Variants in PIEZO2 observed in about 807,000 individuals in gnomAD.
The protein encoded by PIEZO2 is piezo-type mechanosensitive ion channel component 2.
In PIEZO2, 172 loss-of-function variants were observed where a neutral mutation model predicts 337.3. The ratio of observed to expected loss-of-function variants is 0.51; its 90% CI spans 0.45 to 0.58. The LOEUF (loss-of-function observed/expected upper bound fraction) is 0.58, where lower values mean the gene tolerates loss of function less well. Ranked by LOEUF, PIEZO2 falls within the 20% of genes least tolerant of loss-of-function variation. The pLI, the probability that PIEZO2 is intolerant of heterozygous loss-of-function variation, is 0.00. For missense variants in PIEZO2, 3,028 were observed against 3,391.3 expected (o/e 0.89, Z 2.66); for synonymous variants, 1,251 against 1,228.5 (o/e 1.02, Z -0.38).
At chr18:10,723,343 G>A (rs182719661) in intron 36 of PIEZO2, among the ~76,000 whole-genome samples, 3 of 152,152 alleles carry the variant, frequency 2.0e-5, no homozygotes, top group African/African-American at 7.2e-5. Flanking sequence ...ACCTTGATCA[G>A]ATCAATTTGG....
rs1193794506 is a variant in PIEZO2 at position 10,819,954 on chromosome 18, A to G, written c.918-12680T>C. ...TTCTCAGATACAGAATTATAGGTTC[A>G]TAGTTTTTTTCCCTTTGAGAAGCAA... is the stretch of plus-strand genomic sequence containing the variant. On this transcript the variant is annotated intron_variant, in intron 7 of 55. Transcript: ENST00000674853. This position sits in a 1 kb window ranked among gnomAD's most constrained non-coding sequence, Gnocchi z 4.3. Among the ~76,000 whole-genome samples, 1 of 152,186 alleles carries G rather than the reference A, an allele frequency of 6.6e-6. No homozygotes were observed.
At chr18:11,122,383 A>G (rs1392874395) in intron 1 of PIEZO2, among the ~76,000 whole-genome samples, 1 of 152,238 alleles carries the variant, frequency 6.6e-6, no homozygotes, top group Non-Finnish European at 1.5e-5. Context: ...TAAGCTCCTC[A>G]GCAGTTGCAA....
At chr18:10,921,888 C>T (rs1369411618) in intron 3 of PIEZO2, among the ~76,000 whole-genome samples, 1 of 152,078 alleles carries the variant, frequency 6.6e-6, no homozygotes, top group Non-Finnish European at 1.5e-5. Flanking sequence ...AAATAAACCC[C>T]AGTCTCCCAT....
chr18:11,014,754 C>CG (rs2036042525), intron 2 of PIEZO2, among the ~76,000 whole-genome samples: 3 of 130,812 alleles, frequency 2.3e-5, no homozygotes, highest in African/African-American at 3.0e-5. Flanking sequence ...TGTGGGACAG[C>CG]AATCCGGGGC....
In PIEZO2 at chr18:10,750,263, G is replaced by T; in HGVS notation, c.4168-76C>A. 1 of 1,048,200 alleles carries T rather than the reference G, an allele frequency of 9.5e-7. No individual in the cohort carries two copies. The highest frequency in any genetic ancestry group is 1.4e-6 in the Non-Finnish European group (1 of 703,482). 64.9% of individuals were successfully genotyped at this position (1,048,200 alleles called of 1,614,324 possible). A position where few individuals can be genotyped will look rare whatever the true frequency, so the allele number is the denominator to read the frequency against. Reference sequence around the variant, plus strand: ...AAGTGGTGTTTTATGATCCCAACATGTGCAAGAATTCACAAGGTCTCAGTG... The same window carrying T: ...AAGTGGTGTTTTATGATCCCAACATTTGCAAGAATTCACAAGGTCTCAGTG... On this transcript the variant is annotated intron_variant, in intron 28 of 55. Coordinates refer to ENST00000674853, the MANE Select transcript of PIEZO2 (RefSeq NM_001378183.1). This position sits in a 1 kb window ranked among gnomAD's most constrained non-coding sequence, Gnocchi z 4.1.
intron 10 of PIEZO2, 25 bp from the exon 11 acceptor site, chr18:10,800,500 C>A: frequency 1.3e-6 from 2 of 1,515,790 alleles, no homozygotes; most frequent in South Asian, 1.2e-5. Context: ...GAGAAAGGGA[C>A]AACTGTTACA....
chr18:10,813,026 C>T lies in PIEZO2; in HGVS notation c.918-5752G>A, dbSNP rs1375483290. ...TGAGACGGAGTCTCACTCTGTCACC[C>T]GGGCTGGAGTGCATTGGGCCTCTGC... is the stretch of plus-strand genomic sequence containing the variant. On this transcript the variant is annotated intron_variant, in intron 7 of 55. Transcript: ENST00000674853. The surrounding 1 kb of genome is among the most constrained non-coding windows in gnomAD (Gnocchi z 4.2). Among the ~76,000 whole-genome samples, 1 of 151,914 alleles carries T rather than the reference C, an allele frequency of 6.6e-6. No homozygotes were observed. The highest frequency in any genetic ancestry group is 1.5e-5 in the Non-Finnish European group (1 of 67,998).
At chr18:11,030,112 A>G (rs546563461) in intron 2 of PIEZO2, among the ~76,000 whole-genome samples, 2 of 152,222 alleles carry the variant, frequency 1.3e-5, no homozygotes, top group Non-Finnish European at 2.9e-5. Context: ...GAATTTTAAA[A>G]GACAAGCTAC....
rs2035627762 is a variant in PIEZO2 at position 11,003,797 on chromosome 18, C to G, written c.161-24137G>C. Among the ~76,000 whole-genome samples the G allele has an allele frequency of 6.6e-6, 1 of 152,198 alleles. No individual in the cohort carries two copies. The highest frequency in any genetic ancestry group is 2.4e-5 in the African/African-American group (1 of 41,460). The stretch of plus-strand genomic sequence containing the variant: ...AAATCCCACACAGACCTGGGGAGAA[C>G]AAGCAAACTCCACATGGGGGTGGAC... On this transcript the variant is annotated intron_variant, in intron 2 of 55. Transcript: ENST00000674853. The surrounding 1 kb of genome is among the most constrained non-coding windows in gnomAD (Gnocchi z 4.6).
intron 43 of PIEZO2, 58 bp downstream of exon 43, chr18:10,701,931 G>A (rs189783815): frequency 4.9e-5 from 69 of 1,399,450 alleles, no homozygotes; most frequent in Non-Finnish European, 7.5e-6. Context: ...GAAGATTACG[G>A]TCCAGGTTAT....
intron 1 of PIEZO2, among the ~76,000 whole-genome samples, chr18:11,122,900 T>G (rs1430625547): frequency 6.6e-6 from 1 of 151,102 alleles, no homozygotes; most frequent in African/African-American, 2.4e-5. Flanking sequence ...AATATATCTT[T>G]ATTTATATAA....
intron 41 of PIEZO2, among the ~76,000 whole-genome samples, chr18:10,705,087 A>G (rs1219992013): frequency 6.6e-6 from 1 of 152,146 alleles, no homozygotes; most frequent in African/African-American, 2.4e-5. Context: ...GAGACAACCT[A>G]ATATCAGACC....
rs2038601037 is a variant in PIEZO2 at position 11,077,919 on chromosome 18, A to C, written c.65-11697T>G. 6.6e-6 allele frequency among the ~76,000 whole-genome samples: 1 copy of C among 151,926 alleles called. No individual in the cohort carries two copies. Among genetic ancestry groups the C allele is most frequent in the African/African-American group, 2.4e-5 (1 of 41,338 alleles). ...TTTCAATCTTATTCAGTCCCCTGACATTCAAATGCCAAATGCTCATCCCTA... is the reference window on the plus strand; with the variant it reads ...TTTCAATCTTATTCAGTCCCCTGACCTTCAAATGCCAAATGCTCATCCCTA... On this transcript the variant is annotated intron_variant, in intron 1 of 55. Transcript: ENST00000674853. The surrounding 1 kb of genome is among the most constrained non-coding windows in gnomAD (Gnocchi z 4.8).
At chr18:11,134,302 A>T (rs2040421634) in intron 1 of PIEZO2, among the ~76,000 whole-genome samples, 1 of 152,128 alleles carries the variant, frequency 6.6e-6, no homozygotes, top group Non-Finnish European at 1.5e-5. Context: ...CTGGCATTCT[A>T]CAGCTGCTGG....
In PIEZO2 at chr18:10,759,346, T is replaced by C. The variant is rs2038022742; in HGVS notation, c.3757+136A>G. On this transcript the variant is annotated intron_variant, in intron 26 of 55. Coordinates refer to ENST00000674853, the MANE Select transcript of PIEZO2 (RefSeq NM_001378183.1). This position sits in a 1 kb window ranked among gnomAD's most constrained non-coding sequence, Gnocchi z 5.5. ...TAGAAGCCATTAATGACTTGTGATA[T>C]TAATGCATAAGACAAGCCTTTACAT... is the stretch of plus-strand genomic sequence containing the variant. 2.8e-6 allele frequency: 2 copies of C among 724,794 alleles called. No homozygotes were observed. Among genetic ancestry groups the C allele is most frequent in the South Asian group, 3.7e-5 (2 of 54,320 alleles). The allele number at this position is 724,794 out of a possible 1,614,324, so 44.9% of individuals were successfully genotyped here.
intron 43 of PIEZO2, among the ~76,000 whole-genome samples, chr18:10,701,509 T>G (rs924206493): frequency 9.2e-5 from 14 of 152,210 alleles, no homozygotes; most frequent in African/African-American, 3.4e-4. Context: ...AGTGGTTTCA[T>G]GACAAGAAGC....
chr18:10,857,314 T>G, intron 5 of PIEZO2, 103 bp from the exon 6 acceptor site: 2 of 1,004,972 alleles, frequency 2.0e-6, no homozygotes, highest in Non-Finnish European at 2.9e-6. Flanking sequence ...GTGGTGAATT[T>G]CACAGATCAG....
At position 10,931,666 on chromosome 18, in the gene PIEZO2, T is replaced by G. The variant is rs551983485; in HGVS notation, c.287-20438A>C. Among the ~76,000 whole-genome samples the G allele has an allele frequency of 1.5e-3, 233 of 152,030 alleles. 1 individual carries two copies. The highest frequency in any genetic ancestry group is 5.3e-3 in the African/African-American group (218 of 41,448). ...CTTCAGGACTTCTTTCTGTTCTCTC[T>G]CCCTCTCATTCTCTCACTCTTTCTC... On this transcript the variant is annotated intron_variant, in intron 3 of 55. Transcript: ENST00000674853.
At chr18:10,864,774 C>A (rs1441554419) in intron 5 of PIEZO2, among the ~76,000 whole-genome samples, 1 of 152,182 alleles carries the variant, frequency 6.6e-6, no homozygotes, top group Non-Finnish European at 1.5e-5. Context: ...AACTACACAG[C>A]AGAGCTCAAG....
Sources: allele counts gnomAD v4.1 joint callset (sites outside exome capture counted in the v4.1 genomes callset), GRCh38; gene constraint gnomAD v4.1.1; non-coding constraint Gnocchi (gnomAD v3.1); transcripts MANE v1.5; gene names NCBI Gene and HGNC (gene_info 2026-07-23, HGNC 2026-07-21).